ANXA3: variants seen among roughly 807,000 people sequenced by gnomAD.
The protein encoded by ANXA3 is annexin A3, also known as 35-alpha calcimedin.
A neutral mutation model predicts 48.8 loss-of-function variants in ANXA3; 46 were observed. The observed-to-expected ratio is 0.94, with a 90% CI of 0.74 to 1.21. The LOEUF is 1.21. ANXA3 is among the 50% of genes most tolerant of loss of function. The pLI is 0.00. For synonymous variants in ANXA3, 128 were observed against 134.7 expected, an observed-to-expected ratio of 0.95 and a Z score of 0.35; for missense variants, 383 against 378.6, an observed-to-expected ratio of 1.01 and a Z score of -0.10.
At chr4:78,598,598 G>A (rs1305725926) in intron 10 of ANXA3, among the ~76,000 whole-genome samples, 4 of 151,700 alleles carry the variant, frequency 2.6e-5, no homozygotes, top group Non-Finnish European at 5.9e-5. Flanking sequence ...GGAGTGTGGT[G>A]GCGCAATCTC....
intron 6 of ANXA3, among the ~76,000 whole-genome samples, chr4:78,586,809 TAGAA>T (rs1311275794): frequency 1.3e-5 from 2 of 152,188 alleles, no homozygotes; most frequent in Non-Finnish European, 2.9e-5. Flanking sequence ...TGTGTAAAAT[TAGAA>T]AGACTCTGAA....
intron 5 of ANXA3, 59 bp downstream of exon 5, chr4:78,582,349 G>A (rs1723090165): frequency 9.7e-6 from 12 of 1,238,626 alleles, no homozygotes; most frequent in Non-Finnish European, 1.4e-5. Flanking sequence ...CAAAAATAGT[G>A]ACTTTCTTGC....
At chr4:78,584,402 C>T (rs1723130868) in intron 5 of ANXA3, among the ~76,000 whole-genome samples, 2 of 152,050 alleles carry the variant, frequency 1.3e-5, no homozygotes, top group African/African-American at 4.8e-5. Context: ...GTCTCAAACT[C>T]CTGAGTCAAG....
chr4:78,573,477 T>C (rs561751911), intron 3 of ANXA3, among the ~76,000 whole-genome samples: 9 of 152,372 alleles, frequency 5.9e-5, no homozygotes, highest in African/African-American at 2.2e-4. Flanking sequence ...AAATTACCAC[T>C]GATACTAGTG....
At chr4:78,558,407 C>T (rs542293198) in intron 2 of ANXA3, among the ~76,000 whole-genome samples, 4 of 152,318 alleles carry the variant, frequency 2.6e-5, no homozygotes, top group African/African-American at 9.6e-5. Context: ...ATTCTTATCA[C>T]AAAGTTTTAT....
In ANXA3 at chr4:78,601,509, G is replaced by C. The variant is rs1723540399; in HGVS notation, c.731-1G>C. 1 of 1,613,640 alleles carries C rather than the reference G, an allele frequency of 6.2e-7. No individual in the cohort carries two copies. The highest frequency in any genetic ancestry group is 1.3e-5 in the African/African-American group (1 of 74,898). On this transcript the variant is annotated splice_acceptor_variant, in intron 10 of 12. Coordinates refer to ENST00000264908, the MANE Select transcript of ANXA3 (RefSeq NM_005139.3). LOFTEE classifies it high-confidence loss of function. ...TGAACATTATTTGCTTTTTGTTACA[G>C]TTAATTGTGTGAGGAACACGCCGGC...
chr4:78,564,509 G>A (rs981932897), intron 2 of ANXA3, among the ~76,000 whole-genome samples: 1 of 152,210 alleles, frequency 6.6e-6, no homozygotes, highest in African/African-American at 2.4e-5. Flanking sequence ...TGGGGACTGA[G>A]CACTGGGCTC....
chr4:78,590,430 A>G (rs975057150), intron 6 of ANXA3, among the ~76,000 whole-genome samples: 2 of 152,186 alleles, frequency 1.3e-5, no homozygotes, highest in Non-Finnish European at 2.9e-5. Flanking sequence ...ATCTCATATC[A>G]CTTTCTATAA....
intron 6 of ANXA3, among the ~76,000 whole-genome samples, chr4:78,586,937 G>A (rs1330722760): frequency 6.6e-6 from 1 of 152,220 alleles, no homozygotes; most frequent in East Asian, 1.9e-4. Flanking sequence ...GGTGTTTTCA[G>A]GCTACACGTG....
intron 2 of ANXA3, among the ~76,000 whole-genome samples, chr4:78,570,579 G>A (rs1477748011): frequency 1.3e-5 from 2 of 152,192 alleles, no homozygotes; most frequent in Non-Finnish European, 2.9e-5. Context: ...GTGGTACAGA[G>A]ACTGCACTTC....
In ANXA3 at chr4:78,591,537, G is replaced by C. The variant is rs1723295403; in HGVS notation, c.404-7G>C. 4 of 1,595,590 alleles carry C rather than the reference G, an allele frequency of 2.5e-6. No individual in the cohort carries two copies. The highest frequency in any genetic ancestry group is 3.4e-6 in the Non-Finnish European group (4 of 1,166,444). ...CAAGGCTTAATTTCATTCTGATTTG[G>C]TTTCAGTATACAAGAAGAGTCTTGG... On this transcript the variant is annotated splice_polypyrimidine_tract_variant and splice_region_variant and intron_variant, in intron 6 of 12. Coordinates refer to ENST00000264908, the MANE Select transcript of ANXA3 (RefSeq NM_005139.3).
chr4:78,599,975 C>A (rs985704035), intron 10 of ANXA3, among the ~76,000 whole-genome samples: 2 of 151,950 alleles, frequency 1.3e-5, no homozygotes, highest in African/African-American at 4.8e-5. Flanking sequence ...ACAGAAAAGT[C>A]TTAGCAGCAA....
intron 4 of ANXA3, among the ~76,000 whole-genome samples, chr4:78,581,020 GAA>G (rs1360301867): frequency 1.3e-5 from 2 of 152,220 alleles, no homozygotes; most frequent in Non-Finnish European, 2.9e-5. Context: ...TGAGAGCTGT[GAA>G]ATAAGATTCA....
intron 2 of ANXA3, among the ~76,000 whole-genome samples, chr4:78,557,865 T>C (rs927789419): frequency 2.0e-5 from 3 of 152,204 alleles, no homozygotes; most frequent in Non-Finnish European, 2.9e-5. Context: ...ATCCCATTTC[T>C]GGGTATATAT....
At chr4:78,555,966 A>T (rs1223768841) in intron 2 of ANXA3, among the ~76,000 whole-genome samples, 1 of 151,840 alleles carries the variant, frequency 6.6e-6, no homozygotes, top group South Asian at 2.1e-4. Flanking sequence ...AATGTAGAGG[A>T]TGTGGCAAGG....
At chr4:78,608,860 A>G (rs561311633) in intron 12 of ANXA3, among the ~76,000 whole-genome samples, 3 of 152,234 alleles carry the variant, frequency 2.0e-5, no homozygotes, top group South Asian at 2.1e-4. Flanking sequence ...AGCGGTGTAA[A>G]TATACTTTGA....
At chr4:78,609,998 T>A in intron 12 of ANXA3, 58 bp from the exon 13 acceptor site, 1 of 1,357,600 alleles carries the variant, frequency 7.4e-7, no homozygotes, top group Non-Finnish European at 1.0e-6. Context: ...ATTTGATTCA[T>A]TTATGGTCTC....
rs1560450398 is a variant in ANXA3, at chr4:78,597,401, AC to A, written c.718del (p.Leu240CysfsTer4). ...GELSGHFEDL[L>X]LAIVNCVRNT... ...AATTATCTGGGCATTTTGAAGACTTACTGTTGGCCATAGGTAAGACTTCGAG... is the reference window on the plus strand; with the variant it reads ...AATTATCTGGGCATTTTGAAGACTTATGTTGGCCATAGGTAAGACTTCGAG... On this transcript the variant is annotated frameshift_variant, in exon 10 of 13. Transcript: ENST00000264908. LOFTEE classifies it high-confidence loss of function. The A allele has an allele frequency of 3.1e-6, 5 of 1,607,018 alleles. No homozygotes were observed. Among genetic ancestry groups the A allele is most frequent in the Non-Finnish European group, 4.3e-6 (5 of 1,175,406 alleles).
chr4:78,601,231 G>C (rs776153161), intron 10 of ANXA3, among the ~76,000 whole-genome samples: 2 of 152,200 alleles, frequency 1.3e-5, no homozygotes, highest in Non-Finnish European at 2.9e-5. Context: ...CTGGGATCCA[G>C]AGATGAGTCA....
Sources: allele counts gnomAD v4.1 joint callset (sites outside exome capture counted in the v4.1 genomes callset), GRCh38; gene constraint gnomAD v4.1.1; transcripts MANE v1.5; gene names NCBI Gene and HGNC (gene_info 2026-07-23, HGNC 2026-07-21).